Variants in RHBDD1 observed in about 807,000 individuals in gnomAD.
RHBDD1 encodes the protein rhomboid domain containing 1, also known as rhomboid-related protein 4.
RHBDD1 carries 38 observed loss-of-function variants against 36.3 expected under a neutral mutation model. The ratio of observed to expected loss-of-function variants is 1.05; its 90% CI spans 0.81 to 1.37. The LOEUF is 1.37. Ranked by LOEUF, RHBDD1 falls within the 40% of genes most tolerant of loss-of-function variation. The probability of loss-of-function intolerance (pLI) is 0.00; values close to 1 mark genes in which losing one functional copy is unlikely to be tolerated. For synonymous variants in RHBDD1, 151 were observed against 136.5 expected (o/e 1.11, Z -0.74); for missense variants, 393 against 377.6 (o/e 1.04, Z -0.34).
At chr2:226,943,149 G>A (rs907179440) in intron 8 of RHBDD1, among the ~76,000 whole-genome samples, 3 of 152,078 alleles carry the variant, frequency 2.0e-5, no homozygotes, top group Admixed American at 6.6e-5. Context: ...AACTATAATC[G>A]TGTTGTACTT....
intron 5 of RHBDD1, among the ~76,000 whole-genome samples, chr2:226,886,716 C>T (rs527941377): frequency 7.9e-5 from 12 of 152,268 alleles, no homozygotes; most frequent in Non-Finnish European, 1.6e-4. Flanking sequence ...CACTTGAGAA[C>T]TAACTCCCTA....
intron 8 of RHBDD1, among the ~76,000 whole-genome samples, chr2:226,991,679 C>T (rs533168745): frequency 6.6e-6 from 1 of 152,288 alleles, no homozygotes; most frequent in African/African-American, 2.4e-5. Context: ...AGGAGCTACT[C>T]AGTATTCCCA....
intron 5 of RHBDD1, chr2:226,895,746 T>G (rs1947051085): frequency 2.0e-6 from 2 of 985,318 alleles, no homozygotes; most frequent in Non-Finnish European, 2.4e-6. Context: ...TCCAGAGCAC[T>G]ATTTAGAAAC....
At chr2:226,947,965 G>T (rs2149199498) in intron 8 of RHBDD1, among the ~76,000 whole-genome samples, 1 of 152,316 alleles carries the variant, frequency 6.6e-6, no homozygotes, top group South Asian at 2.1e-4. Context: ...TTACACTGTT[G>T]GTGGGATTGT....
At chr2:226,899,387 T>C (rs1947403257) in intron 5 of RHBDD1, among the ~76,000 whole-genome samples, 1 of 152,220 alleles carries the variant, frequency 6.6e-6, no homozygotes, top group African/African-American at 2.4e-5. Context: ...TTTCATATTT[T>C]ATTAAAATTT....
chr2:226,923,584 A>T (rs1188464513), intron 8 of RHBDD1, among the ~76,000 whole-genome samples: 1 of 151,990 alleles, frequency 6.6e-6, no homozygotes, highest in African/African-American at 2.4e-5. Context: ...AAGTTCTGTT[A>T]TTATCCTTTT....
At chr2:226,867,499 A>G in intron 5 of RHBDD1, 181 bp downstream of exon 5, 1 of 845,358 alleles carries the variant, frequency 1.2e-6, no homozygotes, top group African/African-American at 1.9e-5. Flanking sequence ...CTTTTCAACT[A>G]TTAAGCTGTA....
chr2:226,980,984 C>G (rs1482876531), intron 8 of RHBDD1, among the ~76,000 whole-genome samples: 2 of 152,146 alleles, frequency 1.3e-5, no homozygotes, highest in South Asian at 4.1e-4. Flanking sequence ...AATTCTAGTT[C>G]AGTTTGAGAC....
At chr2:226,880,291 A>G (rs1945609075) in intron 5 of RHBDD1, among the ~76,000 whole-genome samples, 1 of 152,092 alleles carries the variant, frequency 6.6e-6, no homozygotes, top group Admixed American at 6.5e-5. Flanking sequence ...AGTAGGGGAC[A>G]TTTTTCTTCT....
In RHBDD1 at chr2:226,842,368, C is replaced by A. The variant is rs143850619; in HGVS notation, c.-91+2741C>A. 3.7e-3 allele frequency among the ~76,000 whole-genome samples: 566 copies of A among 152,174 alleles called. 3 individuals carry two copies. The highest frequency in any genetic ancestry group is 0.012 in the African/African-American group (501 of 41,554). On this transcript the variant is annotated intron_variant, in intron 3 of 8. Transcript: ENST00000392062. ...TTTCATCATGAAATCTTTGCCCATACCTATGTCCTGAATGGTATTACCTAG... is the reference window on the plus strand; with the variant it reads ...TTTCATCATGAAATCTTTGCCCATAACTATGTCCTGAATGGTATTACCTAG...
intron 3 of RHBDD1, among the ~76,000 whole-genome samples, chr2:226,859,682 C>T (rs1413972120): frequency 1.3e-5 from 2 of 152,128 alleles, no homozygotes; most frequent in African/African-American, 2.4e-5. Context: ...TTTGGGAGCA[C>T]CTGTGTGACT....
At chr2:226,876,318 A>C (rs902535038) in intron 5 of RHBDD1, among the ~76,000 whole-genome samples, 3 of 152,198 alleles carry the variant, frequency 2.0e-5, no homozygotes, top group Non-Finnish European at 4.4e-5. Flanking sequence ...GAAGGCTAGA[A>C]CTAGTGCAGT....
At chr2:226,910,150 A>G (rs1948419129) in intron 7 of RHBDD1, among the ~76,000 whole-genome samples, 1 of 152,198 alleles carries the variant, frequency 6.6e-6, no homozygotes, top group African/African-American at 2.4e-5. Context: ...AGTTCTACTT[A>G]CTGTCTTCTC....
intron 5 of RHBDD1, among the ~76,000 whole-genome samples, chr2:226,905,063 G>A (rs1332260099): frequency 6.6e-6 from 1 of 151,976 alleles, no homozygotes; most frequent in Admixed American, 6.6e-5. Flanking sequence ...CTATGTTCTT[G>A]GAGTCTCCAT....
chr2:226,897,928 G>A (rs571324550), intron 5 of RHBDD1, among the ~76,000 whole-genome samples: 2 of 152,236 alleles, frequency 1.3e-5, no homozygotes, highest in East Asian at 1.9e-4. Flanking sequence ...GCAATGAGCC[G>A]AGATTGCGCC....
At chr2:226,905,363 C>T (rs1191700116) in intron 5 of RHBDD1, among the ~76,000 whole-genome samples, 2 of 152,062 alleles carry the variant, frequency 1.3e-5, no homozygotes, top group Non-Finnish European at 2.9e-5. Context: ...AACGGCTCTT[C>T]AACTGGGGTG....
chr2:226,962,454 G>A (rs1038978277), intron 8 of RHBDD1, among the ~76,000 whole-genome samples: 2 of 152,218 alleles, frequency 1.3e-5, no homozygotes, highest in Admixed American at 1.3e-4. Flanking sequence ...CTGTGAAAAG[G>A]AGACCCATTC....
intron 8 of RHBDD1, among the ~76,000 whole-genome samples, chr2:226,973,665 T>C (rs1289206086): frequency 6.6e-6 from 1 of 152,176 alleles, no homozygotes; most frequent in Non-Finnish European, 1.5e-5. Context: ...AGATCAAGAG[T>C]AAACAGATGG....
intron 8 of RHBDD1, among the ~76,000 whole-genome samples, chr2:226,956,520 G>A (rs1951803370): frequency 6.6e-6 from 1 of 152,114 alleles, no homozygotes; most frequent in African/African-American, 2.4e-5. Context: ...ACATTCTGCT[G>A]GGAAGATAAA....
Sources: gnomAD v4.1 joint callset for allele counts (sites outside exome capture counted in the v4.1 genomes callset) on GRCh38, gnomAD v4.1.1 for gene constraint, MANE v1.5 for transcripts, NCBI Gene and HGNC (gene_info 2026-07-23, HGNC 2026-07-21) for gene names.